The following RAD54L2 variants were observed in gnomAD, a reference collection of about 807,000 sequenced individuals.
The protein encoded by RAD54L2 is RAD54 like 2.
In RAD54L2, 27 loss-of-function variants were observed where a neutral mutation model predicts 138.4. The ratio of observed to expected loss-of-function variants is 0.20; its 90% CI spans 0.14 to 0.27. The LOEUF (loss-of-function observed/expected upper bound fraction) is 0.27, where lower values mean the gene tolerates loss of function less well. RAD54L2 is among the 10% of genes least tolerant of loss of function. RAD54L2 has a pLI of 1.00. For synonymous variants in RAD54L2, 644 were observed against 723.2 expected, an observed-to-expected ratio of 0.89 and a Z score of 1.76; for missense variants, 1,396 against 1,890.2, an observed-to-expected ratio of 0.74 and a Z score of 4.85.
chr3:51,615,375 T>C (rs1164310560), intron 3 of RAD54L2, among the ~76,000 whole-genome samples: 1 of 152,204 alleles, frequency 6.6e-6, no homozygotes, highest in Non-Finnish European at 1.5e-5. Context: ...CATGAAGAGT[T>C]AGGGAAAGCG....
At chr3:51,570,764 A>G (rs928136311) in intron 2 of RAD54L2, among the ~76,000 whole-genome samples, 6 of 152,084 alleles carry the variant, frequency 3.9e-5, no homozygotes, top group Non-Finnish European at 8.8e-5. Context: ...CCCTATTTTT[A>G]AGAATCAATG....
At chr3:51,632,641 C>G (rs532157332) in intron 7 of RAD54L2, among the ~76,000 whole-genome samples, 2 of 148,412 alleles carry the variant, frequency 1.3e-5, no homozygotes, top group South Asian at 2.3e-4. Flanking sequence ...TGCCTGTAAT[C>G]CTGGCGCTTT....
intron 2 of RAD54L2, among the ~76,000 whole-genome samples, chr3:51,589,471 G>C (rs1296673680): frequency 5.9e-5 from 9 of 152,136 alleles, no homozygotes; most frequent in Non-Finnish European, 2.9e-5. Flanking sequence ...TGGCAGCACA[G>C]AAAACTGCAC....
At chr3:51,622,940 C>T (rs1396278764) in intron 3 of RAD54L2, among the ~76,000 whole-genome samples, 1 of 152,220 alleles carries the variant, frequency 6.6e-6, no homozygotes, top group Non-Finnish European at 1.5e-5. Flanking sequence ...CAAGGAAGCG[C>T]CCCAATGCCC....
At chr3:51,598,197 A>AT (rs140212867) in intron 3 of RAD54L2, among the ~76,000 whole-genome samples, 2 of 147,112 alleles carry the variant, frequency 1.4e-5, no homozygotes, top group Admixed American at 6.9e-5. Flanking sequence ...ATATATATAT[A>AT]TTTGGCTTAT....
chr3:51,627,894 T>C, intron 4 of RAD54L2, 140 bp downstream of exon 4: 1 of 936,502 alleles, frequency 1.1e-6, no homozygotes, highest in East Asian at 2.6e-5. Context: ...TGTGTCTTCA[T>C]TAATAGTGAA....
intron 2 of RAD54L2, among the ~76,000 whole-genome samples, chr3:51,552,840 G>A (rs887201737): frequency 3.9e-5 from 6 of 152,124 alleles, no homozygotes; most frequent in Non-Finnish European, 2.9e-5. Flanking sequence ...GATTACAGGT[G>A]TGAGCTACCA....
rs1577444234 is a variant in RAD54L2, at chr3:51,633,963, T to C, written c.1070T>C (p.Leu357Pro). 6.2e-7 allele frequency: 1 copy of C among 1,613,896 alleles called. No individual in the cohort carries two copies. Among genetic ancestry groups the C allele is most frequent in the Non-Finnish European group, 8.5e-7 (1 of 1,179,788 alleles). Residue 357 changes from leucine (L) to proline (P), a missense_variant, in exon 9 of 23, where the codon CTC (leucine) becomes CCC (proline). Leu to Pro is a moderately conservative substitution (Grantham distance 98, BLOSUM62 -3). Coordinates refer to ENST00000684192, the MANE Select transcript of RAD54L2 (RefSeq NM_015106.4). ...FNMWLPPPEA[L>P]PADNKPEEVQ... ...ATGTGGCTTCCACCTCCTGAAGCCC[T>C]CCCGGCTGACAACAAGCCTGAAGAA...
At position 51,662,445 on chromosome 3, in the gene RAD54L2, C is replaced by G. The variant is rs746942398; in HGVS notation, c.3429C>G (p.Cys1143Trp). The G allele has an allele frequency of 3.9e-6, 6 of 1,529,124 alleles. No homozygotes were observed. Among genetic ancestry groups the G allele is most frequent in the South Asian group, 3.8e-5 (3 of 78,372 alleles). 94.7% of individuals were successfully genotyped at this position (1,529,124 alleles called of 1,614,324 possible). The change falls in exon 23 of 23, where the codon TGC becomes TGG. Residue 1143 changes from cysteine to tryptophan, a missense_variant. Cys to Trp is a radical substitution (Grantham distance 215). Coordinates refer to ENST00000684192, the MANE Select transcript of RAD54L2 (RefSeq NM_015106.4). The surrounding 1 kb of genome is among the most constrained non-coding windows in gnomAD (Gnocchi z 4.6). ...MAASGSQGPS[C>W]ESTSNGRHSA... The stretch of plus-strand genomic sequence containing the variant: ...CCCCAGGTTCCCAGGGACCTTCTTG[C>G]GAGTCCACAAGCAACGGCAGACACA...
At chr3:51,611,986 A>G (rs902333127) in intron 3 of RAD54L2, among the ~76,000 whole-genome samples, 2 of 152,186 alleles carry the variant, frequency 1.3e-5, no homozygotes, top group African/African-American at 4.8e-5. Context: ...GCTACGTATA[A>G]GATTGCTTCT....
At position 51,639,615 on chromosome 3, in the gene RAD54L2, G is replaced by A. The variant is rs748247391; in HGVS notation, c.2057G>A (p.Gly686Asp). 3.7e-6 allele frequency: 6 copies of A among 1,613,886 alleles called. No homozygotes were observed. The highest frequency in any genetic ancestry group is 1.3e-5 in the African/African-American group (1 of 75,032). Residue 686 changes from glycine (G) to aspartate (D), a missense_variant, in exon 13 of 23, where the codon GGC becomes GAC. Coordinates refer to ENST00000684192, the MANE Select transcript of RAD54L2 (RefSeq NM_015106.4). ...GEATNSKFLQ[G>D]VGFNPFQERG... ...GCAACCAATAGCAAGTTCCTACAGGGCGTTGGCTTCAACCCTTTCCAGGAG... is the reference window on the plus strand; with the variant it reads ...GCAACCAATAGCAAGTTCCTACAGGACGTTGGCTTCAACCCTTTCCAGGAG...
At chr3:51,572,134 G>A (rs923780507) in intron 2 of RAD54L2, among the ~76,000 whole-genome samples, 5 of 152,132 alleles carry the variant, frequency 3.3e-5, no homozygotes, top group African/African-American at 1.2e-4. Context: ...TTGTACATAT[G>A]TAACCGTGAT....
chr3:51,590,493 G>C lies in RAD54L2; in HGVS notation c.73G>C (p.Glu25Gln). The change falls in exon 3 of 23, where the codon GAG (glutamate) becomes CAG (glutamine). Residue 25 changes from glutamate to glutamine, a missense_variant. Physicochemically the swap from Glu to Gln is conservative, Grantham distance 29. Coordinates refer to ENST00000684192, the MANE Select transcript of RAD54L2 (RefSeq NM_015106.4). ...CGTGGAGCTGGAGGATGCGGAAGAGGAGGAGGAGGAGGAGGAGGTGGCAGT... is the reference window on the plus strand; with the variant it reads ...CGTGGAGCTGGAGGATGCGGAAGAGCAGGAGGAGGAGGAGGAGGTGGCAGT... ...PDVELEDAEE[E>Q]EEEEEVAVEE... The C allele has an allele frequency of 6.4e-7, 1 of 1,551,678 alleles. No individual in the cohort carries two copies. The highest frequency in any genetic ancestry group is 2.4e-5 in the East Asian group (1 of 40,930).
intron 1 of RAD54L2, among the ~76,000 whole-genome samples, chr3:51,540,673 G>C (rs964567609): frequency 1.2e-4 from 19 of 152,196 alleles, no homozygotes; most frequent in Non-Finnish European, 2.6e-4. Flanking sequence ...AGGTAATTCT[G>C]TTTGTAGTTG....
intron 2 of RAD54L2, among the ~76,000 whole-genome samples, chr3:51,566,496 T>A (rs1019653705): frequency 3.5e-5 from 5 of 143,114 alleles, no homozygotes; most frequent in Non-Finnish European, 1.5e-5. Flanking sequence ...TTTTTTTTTT[T>A]AATGACAGAG....
intron 1 of RAD54L2, among the ~76,000 whole-genome samples, chr3:51,539,720 A>G (rs1553670924): frequency 1.3e-5 from 2 of 151,874 alleles, no homozygotes; most frequent in East Asian, 1.9e-4. Flanking sequence ...GAACAAGGAA[A>G]CTTTGCAGAG....
At chr3:51,558,085 A>G (rs1478200409) in intron 2 of RAD54L2, among the ~76,000 whole-genome samples, 2 of 151,866 alleles carry the variant, frequency 1.3e-5, no homozygotes, top group Non-Finnish European at 1.5e-5. Context: ...AGCTCAACCA[A>G]TCTGCCCACC....
rs1236466055 is a variant in RAD54L2, at chr3:51,645,601, G to A, written c.2667G>A (p.Val889=). ...TCTTTATCCTTCTAGATCGGGTGGT[G>A]GATGATCTAAATCCAATGCTGAACT... ...ISKQGMSDRV[V]DDLNPMLNFT... Residue 889 remains valine, a synonymous_variant, in exon 18 of 23, where the codon GTG becomes GTA. Transcript: ENST00000684192. This position sits in a 1 kb window ranked among gnomAD's most constrained non-coding sequence, Gnocchi z 6.1. 9 of 1,611,014 alleles carry A rather than the reference G, an allele frequency of 5.6e-6. No homozygotes were observed. The highest frequency in any genetic ancestry group is 1.7e-5 in the Admixed American group (1 of 59,550).
At chr3:51,658,511 A>AT (rs1701666581) in intron 21 of RAD54L2, among the ~76,000 whole-genome samples, 1 of 152,204 alleles carries the variant, frequency 6.6e-6, no homozygotes, top group East Asian at 1.9e-4. Flanking sequence ...GCTGGGCTAA[A>AT]CAGTATTGAG....
Sources: gnomAD v4.1 joint callset for allele counts (sites outside exome capture counted in the v4.1 genomes callset) on GRCh38, gnomAD v4.1.1 for gene constraint, Gnocchi (gnomAD v3.1) non-coding constraint, MANE v1.5 for transcripts, NCBI Gene and HGNC (gene_info 2026-07-23, HGNC 2026-07-21) for gene names.